Variants in LHCGR observed in about 807,000 individuals in gnomAD.
LHCGR encodes luteinizing hormone/choriogonadotropin receptor, also known as lutropin-choriogonadotropic hormone receptor.
In LHCGR, 55 loss-of-function variants were observed where a neutral mutation model predicts 60.7. That is an observed-to-expected ratio of 0.91 (90% CI 0.73 to 1.13). The LOEUF is 1.13. LHCGR is among the 50% of genes most tolerant of loss of function. LHCGR has a pLI of 0.00. For synonymous variants in LHCGR, 337 were observed against 316.5 expected (o/e 1.06, Z -0.69); for missense variants, 862 against 836.0 (o/e 1.03, Z -0.38).
intron 9 of LHCGR, among the ~76,000 whole-genome samples, chr2:48,696,138 T>A (rs994272636): frequency 6.6e-6 from 1 of 152,248 alleles, no homozygotes; most frequent in Admixed American, 6.5e-5. Context: ...AGTGCCCTGA[T>A]GGCATTCTCA....
chr2:48,755,497 C>A lies in LHCGR; in HGVS notation c.161+14G>T. Reference sequence around the variant, plus strand: ...TGCATCAAGGGCGCCGCGACGGGAGCGCTGTGTACTCACAGTCGAGTGAGA... The same window carrying A: ...TGCATCAAGGGCGCCGCGACGGGAGAGCTGTGTACTCACAGTCGAGTGAGA... On this transcript the variant is annotated intron_variant, in intron 1 of 10. Transcript: ENST00000294954. 1 of 1,511,202 alleles carries A rather than the reference C, an allele frequency of 6.6e-7. No individual in the cohort carries two copies. 93.6% of individuals were successfully genotyped at this position (1,511,202 alleles called of 1,614,324 possible).
chr2:48,743,435 A>G (rs1423292076), intron 1 of LHCGR, among the ~76,000 whole-genome samples: 1 of 152,210 alleles, frequency 6.6e-6, no homozygotes, highest in African/African-American at 2.4e-5. Flanking sequence ...ATTGATACAA[A>G]AATCCTCAAT....
intron 2 of LHCGR, 128 bp from the exon 3 acceptor site, chr2:48,729,355 A>G: frequency 1.3e-6 from 1 of 763,064 alleles, no homozygotes; most frequent in Non-Finnish European, 2.3e-6. Context: ...AAGAACAAAG[A>G]TGTGCAAGTT....
chr2:48,715,813 C>G (rs1412875267), intron 6 of LHCGR, among the ~76,000 whole-genome samples: 1 of 152,160 alleles, frequency 6.6e-6, no homozygotes, highest in Non-Finnish European at 1.5e-5. Context: ...GAAAATATAA[C>G]TAGAGATTAC....
At chr2:48,725,643 C>A in intron 4 of LHCGR, 33 bp downstream of exon 4, 1 of 1,473,282 alleles carries the variant, frequency 6.8e-7, no homozygotes, top group South Asian at 1.1e-5. Context: ...CCATCTTCCC[C>A]TCCCCAATTG....
At position 48,719,104 on chromosome 2, in the gene LHCGR, C is replaced by T. The variant is rs577610939; in HGVS notation, c.536+4352G>A. On this transcript the variant is annotated intron_variant, in intron 6 of 10. Transcript: ENST00000294954. Reference sequence around the variant, plus strand: ...TTGGGAGGCTGAGGCGGGCGGATCACGAGGTCAGGAGATCAAGACCATCCT... The same window carrying T: ...TTGGGAGGCTGAGGCGGGCGGATCATGAGGTCAGGAGATCAAGACCATCCT... Among the ~76,000 whole-genome samples, 12 of 152,194 alleles carry T rather than the reference C, an allele frequency of 7.9e-5. No homozygotes were observed. The South Asian group carries it at 8.3e-4, about 11-fold the overall frequency.
At position 48,697,063 on chromosome 2, in the gene LHCGR, C is replaced by T. The variant is rs148490151; in HGVS notation, c.866+1552G>A. ...ATCCTCTAAACAACCGGGCCTGGCA[C>T]TCAGACCATCATGGCCCACATCTCC... is the stretch of plus-strand genomic sequence containing the variant. On this transcript the variant is annotated intron_variant, in intron 9 of 10. Coordinates refer to ENST00000294954, the MANE Select transcript of LHCGR (RefSeq NM_000233.4). 3.6e-4 allele frequency among the ~76,000 whole-genome samples: 55 copies of T among 152,336 alleles called. No individual in the cohort carries two copies. In the East Asian group the frequency reaches 7.3e-3, roughly 20 times the overall value.
intron 6 of LHCGR, among the ~76,000 whole-genome samples, chr2:48,714,977 C>G (rs1018217101): frequency 1.3e-5 from 2 of 152,160 alleles, no homozygotes; most frequent in Admixed American, 6.5e-5. Flanking sequence ...GGGGCTACAT[C>G]CAGCACATCA....
chr2:48,717,717 G>A (rs1668316920), intron 6 of LHCGR, among the ~76,000 whole-genome samples: 1 of 151,966 alleles, frequency 6.6e-6, no homozygotes, highest in South Asian at 2.1e-4. Context: ...CCTGGGCAGA[G>A]CAAGTCAGGT....
chr2:48,740,103 C>T (rs1669373262), intron 1 of LHCGR, among the ~76,000 whole-genome samples: 1 of 152,226 alleles, frequency 6.6e-6, no homozygotes, highest in South Asian at 2.1e-4. Context: ...AAAATCGGGT[C>T]ACTCCCACCC....
At chr2:48,716,546 T>C (rs900668690) in intron 6 of LHCGR, among the ~76,000 whole-genome samples, 3 of 152,184 alleles carry the variant, frequency 2.0e-5, no homozygotes, top group African/African-American at 7.2e-5. Flanking sequence ...CCATGTTGGA[T>C]TACTGGATGC....
At chr2:48,710,800 G>A (rs76261607) in intron 7 of LHCGR, among the ~76,000 whole-genome samples, 6 of 152,238 alleles carry the variant, frequency 3.9e-5, no homozygotes, top group East Asian at 1.9e-4. Flanking sequence ...CTTCAGTATC[G>A]TTGTGTTCTG....
intron 10 of LHCGR, among the ~76,000 whole-genome samples, chr2:48,690,646 C>T (rs1680186948): frequency 6.6e-6 from 1 of 152,196 alleles, no homozygotes; most frequent in Admixed American, 6.5e-5. Flanking sequence ...CTAGAATTTT[C>T]TTCTTTTCCT....
intron 1 of LHCGR, among the ~76,000 whole-genome samples, chr2:48,741,263 C>G (rs1249822952): frequency 1.3e-5 from 2 of 152,212 alleles, no homozygotes; most frequent in African/African-American, 2.4e-5. Flanking sequence ...TTGGAAAACA[C>G]TCTGCAGGTT....
At chr2:48,701,079 A>G (rs1035739275) in intron 8 of LHCGR, among the ~76,000 whole-genome samples, 18 of 152,014 alleles carry the variant, frequency 1.2e-4, no homozygotes, top group African/African-American at 4.3e-4. Context: ...TGGGAAGTAG[A>G]GAGTCAAAAG....
intron 8 of LHCGR, among the ~76,000 whole-genome samples, chr2:48,707,444 C>A (rs534037039): frequency 1.3e-5 from 2 of 152,362 alleles, no homozygotes; most frequent in Non-Finnish European, 2.9e-5. Context: ...CCACTGCTCT[C>A]TTCAGAGCTG....
intron 3 of LHCGR, among the ~76,000 whole-genome samples, 166 bp from the exon 4 acceptor site, chr2:48,725,916 G>A (rs774953318): frequency 6.6e-6 from 1 of 152,138 alleles, no homozygotes; most frequent in Non-Finnish European, 1.5e-5. Context: ...GATGGAAATG[G>A]CTTGGTGAGA....
At position 48,687,956 on chromosome 2, in the gene LHCGR, A is replaced by T. The variant is rs150671167; in HGVS notation, c.1841T>A (p.Ile614Asn). The change falls in exon 11 of 11, where the codon ATC (isoleucine) becomes AAC (asparagine). Residue 614 changes from isoleucine to asparagine, a missense_variant. Physicochemically the swap from Ile to Asn is moderately radical, Grantham distance 149. Transcript: ENST00000294954. ...CAGAAATGGATTGGCACAAGAATTGATGGGATAAAAAAGAACCAGTAAAAC... is the reference window on the plus strand; with the variant it reads ...CAGAAATGGATTGGCACAAGAATTGTTGGGATAAAAAAGAACCAGTAAAAC... ...SKVLLVLFYPINSCANPFLYA... is the reference protein window; with the variant it reads ...SKVLLVLFYPNNSCANPFLYA... The T allele has an allele frequency of 6.2e-7, 1 of 1,614,186 alleles. No individual in the cohort carries two copies.
chr2:48,714,980 G>T (rs1330895520), intron 6 of LHCGR, among the ~76,000 whole-genome samples: 1 of 152,140 alleles, frequency 6.6e-6, no homozygotes, highest in Non-Finnish European at 1.5e-5. Context: ...GCTACATCCA[G>T]CACATCAATT....
Sources: allele counts gnomAD v4.1 joint callset (sites outside exome capture counted in the v4.1 genomes callset), GRCh38; gene constraint gnomAD v4.1.1; transcripts MANE v1.5; gene names NCBI Gene and HGNC (gene_info 2026-07-23, HGNC 2026-07-21).